AFF2: variants seen among roughly 807,000 people sequenced by gnomAD.
The protein encoded by AFF2 is AF4/FMR2 family member 2.
Under a neutral mutation model 76.9 loss-of-function variants are expected in AFF2, and 14 were observed. The ratio of observed to expected loss-of-function variants is 0.18; its 90% CI spans 0.12 to 0.28. The LOEUF is 0.28. Among genes scored for constraint, AFF2 ranks in the 10% least tolerant of loss-of-function variants. The pLI, the probability that AFF2 is intolerant of heterozygous loss-of-function variation, is 1.00. For synonymous variants in AFF2, 398 were observed against 366.7 expected (o/e 1.09, Z -0.98); for missense variants, 868 against 1,001.1 (o/e 0.87, Z 1.79).
At chrX:148,945,670 A>G (rs963216806) in intron 9 of AFF2, among the ~76,000 whole-genome samples, 16 of 112,274 alleles carry the variant, frequency 1.4e-4, no homozygotes, top group Non-Finnish European at 3.0e-4. Flanking sequence ...TTGGAGAAGC[A>G]TGGGTTTGTG....
At chrX:148,638,382 C>T (rs2054053614) in intron 1 of AFF2, among the ~76,000 whole-genome samples, 2 of 110,402 alleles carry the variant, frequency 1.8e-5, no homozygotes, top group South Asian at 7.8e-4. Flanking sequence ...AGGGGAACTG[C>T]CACACTTGAA....
intron 1 of AFF2, among the ~76,000 whole-genome samples, chrX:148,639,202 A>G (rs1359947174): frequency 8.9e-6 from 1 of 112,421 alleles, no homozygotes; most frequent in East Asian, 2.8e-4. Flanking sequence ...GGAATTGCTC[A>G]GTGAAAAGTA....
rs2072537592 is a variant in AFF2 at position 148,991,875 on chromosome X, T to C, written c.*543T>C. The C allele has an allele frequency of 8.9e-6, 1 of 112,494 alleles. No homozygotes were observed. Among genetic ancestry groups the C allele is most frequent in the Admixed American group, 9.4e-5 (1 of 10,638 alleles). The allele number at this position is 112,494 out of a possible 1,213,427, so 9.3% of individuals were successfully genotyped here. A position where few individuals can be genotyped will look rare whatever the true frequency, so the allele number is the denominator to read the frequency against. Reference sequence around the variant, plus strand: ...CTGGTTAGATGTTGTAGCAACATCATAAAATCAAGAGTATCAAGAAAATAA... The same window carrying C: ...CTGGTTAGATGTTGTAGCAACATCACAAAATCAAGAGTATCAAGAAAATAA... On this transcript the variant is annotated 3_prime_UTR_variant, in exon 21 of 21. Coordinates refer to ENST00000370460, the MANE Select transcript of AFF2 (RefSeq NM_002025.4).
At chrX:148,549,659 T>A (rs1374321324) in intron 1 of AFF2, among the ~76,000 whole-genome samples, 1 of 111,982 alleles carries the variant, frequency 8.9e-6, no homozygotes, top group Non-Finnish European at 1.9e-5. Flanking sequence ...GAGCATTTTG[T>A]ATCTAAACCT....
chrX:148,952,404 T>C (rs782330726), intron 9 of AFF2, among the ~76,000 whole-genome samples: 2 of 111,315 alleles, frequency 1.8e-5, no homozygotes, highest in African/African-American at 6.5e-5. Context: ...TGCTGCTGCA[T>C]GCAAGAGGCT....
chrX:148,885,917 A>G lies in AFF2; in HGVS notation c.1291A>G (p.Ser431Gly). 8.3e-7 allele frequency: 1 copy of G among 1,210,724 alleles called. No homozygotes were observed. The highest frequency in any genetic ancestry group is 3.0e-5 in the East Asian group (1 of 33,769). ...SMLEDDLKLS[S>G]DEDDLEPVKT... ...GCTTGAGGATGACCTGAAGCTGAGCAGTGATGAAGATGACCTTGAGCCTGT... is the reference window on the plus strand; with the variant it reads ...GCTTGAGGATGACCTGAAGCTGAGCGGTGATGAAGATGACCTTGAGCCTGT... Residue 431 changes from serine to glycine, a missense_variant, in exon 8 of 21, where the codon AGT (serine) becomes GGT (glycine). Physicochemically the swap from Ser to Gly is moderately conservative, Grantham distance 56. Coordinates refer to ENST00000370460, the MANE Select transcript of AFF2 (RefSeq NM_002025.4).
chrX:148,614,628 T>C (rs2053765693), intron 1 of AFF2, among the ~76,000 whole-genome samples: 1 of 107,344 alleles, frequency 9.3e-6, no homozygotes, highest in Non-Finnish European at 1.9e-5. Context: ...TTCCTTTCTT[T>C]CTTTCTCTCT....
chrX:148,935,260 C>G (rs991177783), intron 9 of AFF2, among the ~76,000 whole-genome samples: 2 of 110,011 alleles, frequency 1.8e-5, no homozygotes, highest in Admixed American at 1.9e-4. Flanking sequence ...TTTGTTAGGT[C>G]TTACACTCAA....
chrX:148,845,432 A>G (rs1315344215), intron 7 of AFF2, among the ~76,000 whole-genome samples: 1 of 111,822 alleles, frequency 8.9e-6, no homozygotes, highest in Non-Finnish European at 1.9e-5. Flanking sequence ...AAAATACTCT[A>G]TATGAAGCAT....
At chrX:148,535,649 T>A (rs1272200975) in intron 1 of AFF2, among the ~76,000 whole-genome samples, 1 of 112,703 alleles carries the variant, frequency 8.9e-6, no homozygotes, top group African/African-American at 3.2e-5. Context: ...ATTTGTTAAT[T>A]CTTACTTCCC....
intron 1 of AFF2, among the ~76,000 whole-genome samples, chrX:148,592,047 T>C (rs781990354): frequency 8.9e-6 from 1 of 111,956 alleles, no homozygotes; most frequent in East Asian, 2.8e-4. Context: ...TTTGCCTCGT[T>C]ATGTCAGATC....
At chrX:148,529,146 A>C (rs2052699539) in intron 1 of AFF2, among the ~76,000 whole-genome samples, 1 of 112,028 alleles carries the variant, frequency 8.9e-6, no homozygotes, top group African/African-American at 3.2e-5. Context: ...TTTCTACTCC[A>C]AGGGTGCTAA....
intron 3 of AFF2, among the ~76,000 whole-genome samples, chrX:148,808,986 A>G (rs1346859052): frequency 2.1e-4 from 23 of 111,287 alleles, no homozygotes; most frequent in African/African-American, 7.5e-4. Flanking sequence ...TCATCTTTCA[A>G]GGCAGTGAAT....
chrX:148,686,595 C>T (rs1310012251), intron 3 of AFF2, among the ~76,000 whole-genome samples: 1 of 111,709 alleles, frequency 9.0e-6, no homozygotes, highest in Non-Finnish European at 1.9e-5. Context: ...CAGTCAATTT[C>T]CTCAACTGGG....
At chrX:148,699,857 A>G (rs2054764462) in intron 3 of AFF2, among the ~76,000 whole-genome samples, 2 of 112,373 alleles carry the variant, frequency 1.8e-5, no homozygotes, top group South Asian at 3.7e-4. Context: ...AAGAGCAAGT[A>G]TAAGTATATC....
chrX:148,686,178 G>A (rs1445886646), intron 3 of AFF2, among the ~76,000 whole-genome samples: 1 of 111,812 alleles, frequency 8.9e-6, no homozygotes, highest in Non-Finnish European at 1.9e-5. Context: ...ATAACAAAAT[G>A]TTGCATCTCA....
At chrX:148,871,283 G>T (rs1557277316) in intron 7 of AFF2, among the ~76,000 whole-genome samples, 1 of 110,857 alleles carries the variant, frequency 9.0e-6, no homozygotes, top group Non-Finnish European at 1.9e-5. Flanking sequence ...ACCCGTACAG[G>T]GCCCTGATAG....
intron 3 of AFF2, among the ~76,000 whole-genome samples, chrX:148,787,379 T>G (rs973720056): frequency 9.0e-6 from 1 of 111,652 alleles, no homozygotes; most frequent in African/African-American, 3.3e-5. Flanking sequence ...GTTGCCTTTT[T>G]AGGTGTGATA....
At chrX:148,964,375 G>A (rs1035601090) in intron 13 of AFF2, among the ~76,000 whole-genome samples, 4 of 112,217 alleles carry the variant, frequency 3.6e-5, no homozygotes, top group Admixed American at 9.4e-5. Flanking sequence ...TGGAGGAGGC[G>A]TTTCCTGAGT....
Sources: allele counts gnomAD v4.1 joint callset (sites outside exome capture counted in the v4.1 genomes callset), GRCh38; gene constraint gnomAD v4.1.1; transcripts MANE v1.5; gene names NCBI Gene and HGNC (gene_info 2026-07-23, HGNC 2026-07-21).